PTPRZ1: variants seen among roughly 807,000 people sequenced by gnomAD.
PTPRZ1 encodes protein tyrosine phosphatase receptor type Z1, also known as receptor-type tyrosine-protein phosphatase zeta.
Under a neutral mutation model 214.1 loss-of-function variants are expected in PTPRZ1, and 82 were observed. The observed-to-expected ratio is 0.38, with a 90% CI of 0.32 to 0.46. PTPRZ1 has a LOEUF of 0.46. Among genes scored for constraint, PTPRZ1 ranks in the 20% least tolerant of loss-of-function variants. The probability of loss-of-function intolerance (pLI) is 1.00; values close to 1 mark genes in which losing one functional copy is unlikely to be tolerated. For missense variants in PTPRZ1, 2,603 were observed against 2,748.7 expected (o/e 0.95, Z 1.19); for synonymous variants, 945 against 987.9 (o/e 0.96, Z 0.81).
At chr7:121,939,872 C>T (rs536407196) in intron 2 of PTPRZ1, among the ~76,000 whole-genome samples, 2 of 151,958 alleles carry the variant, frequency 1.3e-5, no homozygotes, top group South Asian at 2.1e-4. Flanking sequence ...AGGTACGGAA[C>T]CCTAATTGGC....
intron 29 of PTPRZ1, among the ~76,000 whole-genome samples, chr7:122,060,168 A>T (rs947577526): frequency 1.3e-5 from 2 of 152,170 alleles, no homozygotes; most frequent in Admixed American, 6.5e-5. Flanking sequence ...TCATAGGCTC[A>T]CCTTCAGCTC....
At chr7:121,983,867 A>G (rs774072441) in intron 7 of PTPRZ1, 45 bp downstream of exon 7, 5 of 1,596,552 alleles carry the variant, frequency 3.1e-6, no homozygotes, top group Non-Finnish European at 4.3e-6. Flanking sequence ...AAAGCCATTT[A>G]AAAAACATTA....
intron 8 of PTPRZ1, among the ~76,000 whole-genome samples, chr7:121,987,261 C>T (rs1236881459): frequency 6.6e-6 from 1 of 152,084 alleles, no homozygotes. Context: ...AGAGTCTCAG[C>T]TGCTACCCTC....
chr7:121,975,760 G>C (rs1039947935), intron 4 of PTPRZ1, among the ~76,000 whole-genome samples: 1 of 152,208 alleles, frequency 6.6e-6, no homozygotes, highest in South Asian at 2.1e-4. Context: ...GTATTTTTTA[G>C]GTAGAAGCTG....
chr7:122,047,368 T>A (rs1046138816), intron 23 of PTPRZ1, among the ~76,000 whole-genome samples: 1 of 152,178 alleles, frequency 6.6e-6, no homozygotes, highest in African/African-American at 2.4e-5. Flanking sequence ...GTTTCTTTGC[T>A]TATGTTTTAA....
At chr7:121,882,513 G>A (rs142835095) in intron 1 of PTPRZ1, among the ~76,000 whole-genome samples, 80 of 152,254 alleles carry the variant, frequency 5.3e-4, no homozygotes, top group African/African-American at 1.9e-3. Flanking sequence ...TTGGAGGGAG[G>A]GGACAGTGGG....
At chr7:121,930,610 T>A (rs938712648) in intron 2 of PTPRZ1, among the ~76,000 whole-genome samples, 8 of 152,188 alleles carry the variant, frequency 5.3e-5, no homozygotes, top group African/African-American at 1.9e-4. Context: ...TCTAGTCAAT[T>A]TGATTAGTCA....
In PTPRZ1 at chr7:122,058,910, C is replaced by T. The variant is rs780571375; in HGVS notation, c.6639C>T (p.Ala2213=). The stretch of plus-strand genomic sequence containing the variant: ...TAAGTGTTATAAAAGAAGAAGCTGC[C>T]AATAGGGATGGGCCTATGATTGTTC... ...ELISVIKEEA[A]NRDGPMIVHD... Residue 2213 remains alanine (A), a synonymous_variant, in exon 28 of 30, where the codon GCC becomes GCT. Transcript: ENST00000393386. 2.5e-6 allele frequency: 4 copies of T among 1,591,812 alleles called. No homozygotes were observed. The highest frequency in any genetic ancestry group is 3.4e-6 in the Non-Finnish European group (4 of 1,160,008).
chr7:121,957,168 C>T (rs1796733819), intron 2 of PTPRZ1, among the ~76,000 whole-genome samples: 1 of 152,116 alleles, frequency 6.6e-6, no homozygotes, highest in South Asian at 2.1e-4. Flanking sequence ...CTCTGGGTAC[C>T]TTCTGTCCCT....
intron 6 of PTPRZ1, among the ~76,000 whole-genome samples, chr7:121,978,834 G>A (rs1797519153): frequency 6.6e-6 from 1 of 152,126 alleles, no homozygotes. Flanking sequence ...AATAAGTTAA[G>A]TCTTTCTAAA....
chr7:122,037,729 G>T (rs1396062378), intron 18 of PTPRZ1, among the ~76,000 whole-genome samples: 1 of 152,178 alleles, frequency 6.6e-6, no homozygotes, highest in Non-Finnish European at 1.5e-5. Context: ...TCTGGAGTTA[G>T]AACTGATTTT....
intron 1 of PTPRZ1, among the ~76,000 whole-genome samples, chr7:121,890,696 G>A (rs1794567688): frequency 6.6e-6 from 1 of 151,660 alleles, no homozygotes; most frequent in Non-Finnish European, 1.5e-5. Flanking sequence ...TTAGAGACAG[G>A]TCTCCCTCTG....
intron 2 of PTPRZ1, among the ~76,000 whole-genome samples, chr7:121,930,491 C>T (rs1795888632): frequency 6.6e-6 from 1 of 151,852 alleles, no homozygotes; most frequent in South Asian, 2.1e-4. Context: ...GTTGTTGGAC[C>T]AAAGGGCCTA....
rs1323306175 is a variant in PTPRZ1 at position 122,040,947 on chromosome 7, C to T, written c.5769C>T (p.Arg1923=). The T allele has an allele frequency of 6.3e-7, 1 of 1,589,246 alleles. No individual in the cohort carries two copies. The highest frequency in any genetic ancestry group is 8.6e-7 in the Non-Finnish European group (1 of 1,162,144). The change falls in exon 21 of 30, where the codon CGC becomes CGT. Residue 1923 remains arginine, a synonymous_variant. Coordinates refer to ENST00000393386, the MANE Select transcript of PTPRZ1 (RefSeq NM_002851.3). ...TGAGAAAGGCAGCCTATGCCAAGCG[C>T]CATGCAGTGGGGCCTGTTGTCGTCC... ...TFVRKAAYAK[R]HAVGPVVVHC... is the part of the protein sequence containing the mutation.
chr7:122,016,082 G>A (rs1798832649), intron 12 of PTPRZ1, among the ~76,000 whole-genome samples: 1 of 151,694 alleles, frequency 6.6e-6, no homozygotes, highest in Non-Finnish European at 1.5e-5. Context: ...TATAGATAAG[G>A]CAAATATTAG....
At chr7:121,991,280 A>G (rs1018723892) in intron 8 of PTPRZ1, among the ~76,000 whole-genome samples, 3 of 152,246 alleles carry the variant, frequency 2.0e-5, no homozygotes, top group Admixed American at 6.5e-5. Flanking sequence ...ATGGACAGCC[A>G]AGATATCACA....
At chr7:121,983,925 C>G (rs750291370) in intron 7 of PTPRZ1, 42 bp from the exon 8 acceptor site, 9 of 1,599,186 alleles carry the variant, frequency 5.6e-6, no homozygotes, top group Non-Finnish European at 6.8e-6. Context: ...TTTACCAATG[C>G]CTTTGAAGCA....
At chr7:121,923,299 C>T (rs1017863371) in intron 1 of PTPRZ1, among the ~76,000 whole-genome samples, 8 of 152,218 alleles carry the variant, frequency 5.3e-5, no homozygotes, top group African/African-American at 1.9e-4. Context: ...TTTTTATGTC[C>T]TCGGATATTC....
chr7:122,001,294 A>C (rs887755524), intron 10 of PTPRZ1, among the ~76,000 whole-genome samples: 5 of 152,194 alleles, frequency 3.3e-5, no homozygotes, highest in Non-Finnish European at 7.3e-5. Flanking sequence ...TACATTTATG[A>C]ATAAATAATT....
Sources: allele counts gnomAD v4.1 joint callset (sites outside exome capture counted in the v4.1 genomes callset), GRCh38; gene constraint gnomAD v4.1.1; transcripts MANE v1.5; gene names NCBI Gene and HGNC (gene_info 2026-07-23, HGNC 2026-07-21).